The following CDYL2 variants were observed in gnomAD, a reference collection of about 807,000 sequenced individuals.
CDYL2 encodes chromodomain Y like 2.
Under a neutral mutation model 49.4 loss-of-function variants are expected in CDYL2, and 23 were observed. The observed-to-expected ratio is 0.47, with a 90% confidence interval of 0.34 to 0.66. The LOEUF (loss-of-function observed/expected upper bound fraction) is 0.66. Among genes scored for constraint, CDYL2 ranks in the 30% least tolerant of loss-of-function variants. The pLI is 0.01. For synonymous variants in CDYL2, 360 were observed against 268.8 expected (o/e 1.34, Z -3.32); for missense variants, 678 against 656.4 (o/e 1.03, Z -0.36).
At chr16:80,642,556 G>C (rs1288667835) in intron 2 of CDYL2, among the ~76,000 whole-genome samples, 1 of 152,152 alleles carries the variant, frequency 6.6e-6, no homozygotes, top group African/African-American at 2.4e-5. Context: ...CATTGAATTA[G>C]TCCGTTTTCA....
intron 1 of CDYL2, among the ~76,000 whole-genome samples, chr16:80,782,807 TA>T (rs1907316315): frequency 6.6e-6 from 1 of 152,046 alleles, no homozygotes; most frequent in Admixed American, 6.6e-5. Context: ...CTATTATGAT[TA>T]AAAATAAAAT....
intron 1 of CDYL2, among the ~76,000 whole-genome samples, chr16:80,728,144 A>C (rs908817758): frequency 4.6e-5 from 7 of 152,228 alleles, no homozygotes; most frequent in Admixed American, 4.6e-4. Context: ...AGACGATCAA[A>C]CTACAAGCTA....
At chr16:80,721,609 C>G (rs570755089) in intron 1 of CDYL2, among the ~76,000 whole-genome samples, 15 of 152,330 alleles carry the variant, frequency 9.8e-5, no homozygotes, top group African/African-American at 3.6e-4. Context: ...AGGTTTATAT[C>G]TAGCACGTGA....
At chr16:80,632,713 C>A in intron 3 of CDYL2, 1 of 341,912 alleles carries the variant, frequency 2.9e-6, no homozygotes. Flanking sequence ...CTGGAAAAGC[C>A]CAAGATGTGA....
chr16:80,620,968 AGTGTCTATCCTGT>A, intron 3 of CDYL2, 33 bp from the exon 4 acceptor site: 1 of 1,556,866 alleles, frequency 6.4e-7, no homozygotes, highest in Non-Finnish European at 8.7e-7. Context: ...AGGGATGTTA[AGTGTCTATCCTGT>A]AAGCCTGGGG....
At chr16:80,667,934 ACT>A (rs1211003224) in intron 2 of CDYL2, among the ~76,000 whole-genome samples, 16 of 152,322 alleles carry the variant, frequency 1.1e-4, no homozygotes, top group African/African-American at 3.8e-4. Context: ...ACTCGCCACC[ACT>A]GTTTCCACAG....
chr16:80,623,344 T>A (rs574826351), intron 3 of CDYL2, among the ~76,000 whole-genome samples: 1 of 152,138 alleles, frequency 6.6e-6, no homozygotes, highest in Non-Finnish European at 1.5e-5. Context: ...AATTCAGAGC[T>A]ACCTCAGATG....
intron 2 of CDYL2, among the ~76,000 whole-genome samples, chr16:80,664,003 C>G (rs936160127): frequency 7.9e-5 from 12 of 152,220 alleles, no homozygotes; most frequent in Non-Finnish European, 1.8e-4. Context: ...TTAAAACCCT[C>G]CAAGGCCATG....
intron 1 of CDYL2, among the ~76,000 whole-genome samples, chr16:80,695,108 G>C (rs1910568117): frequency 6.6e-6 from 1 of 152,246 alleles, no homozygotes; most frequent in African/African-American, 2.4e-5. Flanking sequence ...ATGGCCTGCA[G>C]GCCAAATCTG....
chr16:80,684,725 A>G lies in CDYL2; in HGVS notation c.429T>C (p.Gly143=), dbSNP rs147220027. Residue 143 remains glycine, a synonymous_variant, in exon 2 of 7, where the codon GGT becomes GGC. Coordinates refer to ENST00000570137, the MANE Select transcript of CDYL2 (RefSeq NM_152342.4). ...KTVSYRTTPS[G]LQIMPLKKSQ... ...ACTTTTTCAGGGGCATTATTTGCAA[A>G]CCACTGGGGGTAGTCCTGTAAGACA... is the stretch of plus-strand genomic sequence containing the variant. The G allele has an allele frequency of 1.2e-6, 2 of 1,613,586 alleles. No homozygotes were observed. Among genetic ancestry groups the G allele is most frequent in the Non-Finnish European group, 1.7e-6 (2 of 1,179,882 alleles).
In CDYL2 at chr16:80,731,261, A is replaced by C. The variant is rs114859600; in HGVS notation, c.25-46132T>G. 6.4e-3 allele frequency among the ~76,000 whole-genome samples: 980 copies of C among 152,296 alleles called. 14 individuals carry two copies. The highest frequency in any genetic ancestry group is 0.022 in the African/African-American group (930 of 41,566). On this transcript the variant is annotated intron_variant, in intron 1 of 6. Coordinates refer to ENST00000570137, the MANE Select transcript of CDYL2 (RefSeq NM_152342.4). Reference sequence around the variant, plus strand: ...TGAAAACTAAAAACATCAGCGCAAAAGCAGAAGGATTAGAAGATGAAATTG... The same window carrying C: ...TGAAAACTAAAAACATCAGCGCAAACGCAGAAGGATTAGAAGATGAAATTG...
At chr16:80,688,659 C>A (rs6564782) in intron 1 of CDYL2, among the ~76,000 whole-genome samples, 13,211 of 152,190 alleles carry the variant, frequency 0.087, 986 homozygotes, top group African/African-American at 0.2. Context: ...CCCCAGCATA[C>A]TTTGATCTCC....
In CDYL2 at chr16:80,602,812, G is replaced by T. The variant is rs1229278476; in HGVS notation, c.*1576C>A. On this transcript the variant is annotated 3_prime_UTR_variant, in exon 7 of 7. Transcript: ENST00000570137. ...ACGGAAAAAAATCCCTCCATCCTGA[G>T]AATCTGAGAATCTAGCTTTTTCTGG... The T allele has an allele frequency of 6.6e-6, 1 of 152,202 alleles. No homozygotes were observed. The highest frequency in any genetic ancestry group is 1.5e-5 in the Non-Finnish European group (1 of 68,058). The allele number at this position is 152,202 out of a possible 1,614,324, so 9.4% of individuals were successfully genotyped here.
chr16:80,719,174 C>G (rs148802242), intron 1 of CDYL2, among the ~76,000 whole-genome samples: 6 of 152,270 alleles, frequency 3.9e-5, no homozygotes, highest in South Asian at 4.2e-4. Flanking sequence ...AAGAAAGACA[C>G]AGTCACTGAC....
intron 2 of CDYL2, among the ~76,000 whole-genome samples, chr16:80,656,772 T>C (rs1422761564): frequency 6.6e-6 from 1 of 151,874 alleles, no homozygotes; most frequent in Non-Finnish European, 1.5e-5. Context: ...TCTCTGCGTA[T>C]GAGAGGCACA....
At chr16:80,727,854 G>A (rs922030550) in intron 1 of CDYL2, among the ~76,000 whole-genome samples, 2 of 152,066 alleles carry the variant, frequency 1.3e-5, no homozygotes, top group Non-Finnish European at 2.9e-5. Flanking sequence ...CACCTCACAC[G>A]GCCAGGTACT....
At chr16:80,622,142 A>G (rs1427069882) in intron 3 of CDYL2, among the ~76,000 whole-genome samples, 1 of 152,156 alleles carries the variant, frequency 6.6e-6, no homozygotes, top group Non-Finnish European at 1.5e-5. Context: ...AATTCCCACT[A>G]TCTGGCCATG....
chr16:80,607,006 A>G lies in CDYL2; in HGVS notation c.1362+1086T>C, dbSNP rs116069968. ...TGTCTTTATCAGCAGCGTGAGAACA[A>G]TAGGGTTTCCTGGGATGCAGGATTT... On this transcript the variant is annotated intron_variant, in intron 6 of 6. Transcript: ENST00000570137. Among the ~76,000 whole-genome samples the G allele has an allele frequency of 4.3e-3, 649 of 152,282 alleles. 5 individuals carry two copies. The highest frequency in any genetic ancestry group is 0.015 in the African/African-American group (626 of 41,556).
At chr16:80,615,860 C>A (rs1299518995) in intron 4 of CDYL2, among the ~76,000 whole-genome samples, 1 of 152,224 alleles carries the variant, frequency 6.6e-6, no homozygotes, top group East Asian at 1.9e-4. Flanking sequence ...AGGCCACCCC[C>A]CATCCTCTTT....
Sources: allele counts gnomAD v4.1 joint callset (sites outside exome capture counted in the v4.1 genomes callset), GRCh38; gene constraint gnomAD v4.1.1; transcripts MANE v1.5; gene names NCBI Gene and HGNC (gene_info 2026-07-23, HGNC 2026-07-21).